KIAA1549L: variants seen among roughly 807,000 people sequenced by gnomAD.
KIAA1549L encodes KIAA1549 like, also known as UPF0606 protein KIAA1549L.
In KIAA1549L, 88 loss-of-function variants were observed where a neutral mutation model predicts 160.7. The observed-to-expected ratio is 0.55, with a 90% CI of 0.46 to 0.65. The LOEUF is 0.65. Among genes scored for constraint, KIAA1549L ranks in the 30% least tolerant of loss-of-function variants. KIAA1549L has a pLI of 0.00. For missense variants in KIAA1549L, 2,258 were observed against 2,437.5 expected (o/e 0.93, Z 1.55); for synonymous variants, 950 against 976.7 (o/e 0.97, Z 0.51).
intron 3 of KIAA1549L, among the ~76,000 whole-genome samples, chr11:33,547,339 T>C (rs1010103057): frequency 2.6e-5 from 4 of 152,244 alleles, no homozygotes; most frequent in Admixed American, 2.6e-4. Context: ...TTCTCTGTCC[T>C]TTGTCTCCAT....
chr11:33,648,040 G>A (rs1462020611), intron 17 of KIAA1549L, among the ~76,000 whole-genome samples: 1 of 152,164 alleles, frequency 6.6e-6, no homozygotes, highest in East Asian at 1.9e-4. Context: ...CCAGGCTGGA[G>A]TGCAAGTGCA....
Position 33,538,886 on chromosome 11 carries a change from G to A in KIAA1549L, c.239-2916G>A, listed in dbSNP as rs1029696657. 1.3e-5 allele frequency among the ~76,000 whole-genome samples: 2 copies of A among 152,130 alleles called. 1 individual carries two copies. Among genetic ancestry groups the A allele is most frequent in the South Asian group, 4.1e-4 (2 of 4,822 alleles). On this transcript the variant is annotated intron_variant, in intron 1 of 20. Transcript: ENST00000658780. ...CTATATTTCTCTTTTAGTTCATAAG[G>A]AACTCTAGTCAACTCTGCCTACAGA...
intron 1 of KIAA1549L, among the ~76,000 whole-genome samples, chr11:33,445,500 A>G (rs1851592404): frequency 6.6e-6 from 1 of 152,244 alleles, no homozygotes; most frequent in Non-Finnish European, 1.5e-5. Flanking sequence ...TCTGGTCATG[A>G]TCATTCATTC....
At position 33,541,140 on chromosome 11, in the gene KIAA1549L, G is replaced by C. The variant is rs532045605; in HGVS notation, c.239-662G>C. ...TGTCTGCCTGTGGGGCCACACATGA[G>C]TGTTGATATTTCTGGCCTCTGCAGG... On this transcript the variant is annotated intron_variant, in intron 1 of 20. Transcript: ENST00000658780. Among the ~76,000 whole-genome samples the C allele has an allele frequency of 3.3e-5, 5 of 152,302 alleles. No individual in the cohort carries two copies. In the East Asian group the frequency reaches 9.6e-4, roughly 29 times the overall value.
intron 8 of KIAA1549L, 137 bp from the exon 9 acceptor site, chr11:33,567,939 G>T (rs1590351235): frequency 1.3e-6 from 1 of 743,582 alleles, no homozygotes; most frequent in Non-Finnish European, 2.1e-6. Context: ...GTGAAGTGAG[G>T]TAAGGTTGGC....
At chr11:33,592,487 G>A (rs1850086126) in intron 12 of KIAA1549L, among the ~76,000 whole-genome samples, 1 of 152,186 alleles carries the variant, frequency 6.6e-6, no homozygotes, top group Admixed American at 6.5e-5. Context: ...CTTGTTGCCT[G>A]AGACTACTAT....
intron 1 of KIAA1549L, among the ~76,000 whole-genome samples, chr11:33,420,237 T>TTGTTTG (rs1554975229): frequency 3.0e-5 from 3 of 98,732 alleles, no homozygotes; most frequent in African/African-American, 5.9e-5. Flanking sequence ...TTTTTTTTGT[T>TTGTTTG]TTTTTTTTTT....
chr11:33,589,669 C>A (rs1226302570), intron 11 of KIAA1549L, among the ~76,000 whole-genome samples: 1 of 151,940 alleles, frequency 6.6e-6, no homozygotes, highest in Admixed American at 6.6e-5. Context: ...GGACAAAAAA[C>A]CAAGCACCGC....
chr11:33,595,602 A>G (rs1445639303), intron 12 of KIAA1549L, among the ~76,000 whole-genome samples: 1 of 152,044 alleles, frequency 6.6e-6, no homozygotes. Context: ...TGTAAGAGAA[A>G]CCTCCTCTCT....
At chr11:33,508,724 A>C (rs1012923731) in intron 1 of KIAA1549L, among the ~76,000 whole-genome samples, 4 of 152,152 alleles carry the variant, frequency 2.6e-5, no homozygotes, top group Admixed American at 2.0e-4. Flanking sequence ...AGGTACATTT[A>C]CTGTGCATCT....
chr11:33,424,691 AC>A (rs1242636151), intron 1 of KIAA1549L, among the ~76,000 whole-genome samples: 24 of 152,192 alleles, frequency 1.6e-4, no homozygotes, highest in African/African-American at 5.3e-4. Flanking sequence ...GTCCCCTCAT[AC>A]ATGCTCTACT....
chr11:33,658,263 C>T (rs1224333305), intron 18 of KIAA1549L, among the ~76,000 whole-genome samples: 5 of 152,106 alleles, frequency 3.3e-5, no homozygotes, highest in African/African-American at 1.2e-4. Context: ...CTTGGTGCTT[C>T]CTGCCAGTTA....
At chr11:33,546,565 G>T (rs980645756) in intron 3 of KIAA1549L, among the ~76,000 whole-genome samples, 1 of 152,042 alleles carries the variant, frequency 6.6e-6, no homozygotes, top group Non-Finnish European at 1.5e-5. Flanking sequence ...CTAAATTTCT[G>T]TAACAACAGC....
chr11:33,382,256 A>G (rs1243326644), intron 1 of KIAA1549L, among the ~76,000 whole-genome samples: 1 of 152,104 alleles, frequency 6.6e-6, no homozygotes, highest in Non-Finnish European at 1.5e-5. Context: ...AAGAAAGTGT[A>G]TATGGTGTCC....
rs78340118 is a variant in KIAA1549L at position 33,504,763 on chromosome 11, C to T, written c.239-37039C>T. ...GATTACAGGTGTGAGCCACTGTGCCCGGCCACAGATTTTCTTTCTTTTAGA... is the reference window on the plus strand; with the variant it reads ...GATTACAGGTGTGAGCCACTGTGCCTGGCCACAGATTTTCTTTCTTTTAGA... On this transcript the variant is annotated intron_variant, in intron 1 of 20. Coordinates refer to ENST00000658780, the MANE Select transcript of KIAA1549L (RefSeq NM_012194.3). 6.7e-3 allele frequency among the ~76,000 whole-genome samples: 1,025 copies of T among 152,072 alleles called. 23 individuals carry two copies. The highest frequency in any genetic ancestry group is 0.038 in the East Asian group (196 of 5,160).
intron 1 of KIAA1549L, among the ~76,000 whole-genome samples, chr11:33,443,438 G>A (rs1851549383): frequency 6.6e-6 from 1 of 152,102 alleles, no homozygotes; most frequent in Non-Finnish European, 1.5e-5. Context: ...TTCCAGCCAT[G>A]GCACAGTGCC....
At chr11:33,581,141 A>G (rs1855629091) in intron 10 of KIAA1549L, among the ~76,000 whole-genome samples, 1 of 152,168 alleles carries the variant, frequency 6.6e-6, no homozygotes, top group Non-Finnish European at 1.5e-5. Flanking sequence ...CCCACTGGGA[A>G]GAGAAGCCAC....
At chr11:33,406,247 C>T (rs910749615) in intron 1 of KIAA1549L, among the ~76,000 whole-genome samples, 1 of 152,198 alleles carries the variant, frequency 6.6e-6, no homozygotes, top group African/African-American at 2.4e-5. Flanking sequence ...ATCCAGAATC[C>T]CACGGCCCCA....
chr11:33,454,887 A>G (rs944935901), intron 1 of KIAA1549L, among the ~76,000 whole-genome samples: 1 of 152,206 alleles, frequency 6.6e-6, no homozygotes, highest in Non-Finnish European at 1.5e-5. Context: ...CAGGAGATCC[A>G]GATCATCCTG....
Sources: allele counts gnomAD v4.1 joint callset (sites outside exome capture counted in the v4.1 genomes callset), GRCh38; gene constraint gnomAD v4.1.1; transcripts MANE v1.5; gene names NCBI Gene and HGNC (gene_info 2026-07-23, HGNC 2026-07-21).